Variants in SRGAP1 observed in about 807,000 individuals in gnomAD.
SRGAP1 encodes the protein SLIT-ROBO Rho GTPase activating protein 1, also known as SLIT-ROBO Rho GTPase-activating protein 1.
A neutral mutation model predicts 121.9 loss-of-function variants in SRGAP1; 43 were observed. The ratio of observed to expected loss-of-function variants is 0.35; its 90% CI spans 0.28 to 0.46. SRGAP1 has a LOEUF of 0.46. Ranked by LOEUF, SRGAP1 falls within the 20% of genes least tolerant of loss-of-function variation. The pLI is 1.00. For missense variants in SRGAP1, 1,102 were observed against 1,350.9 expected (o/e 0.82, Z 2.89); for synonymous variants, 447 against 485.4 (o/e 0.92, Z 1.04).
At chr12:63,981,691 G>A (rs1001387843) in intron 1 of SRGAP1, among the ~76,000 whole-genome samples, 6 of 152,130 alleles carry the variant, frequency 3.9e-5, no homozygotes, top group African/African-American at 7.2e-5. Context: ...TTCAGCACAC[G>A]TCTGTGAAGT....
Position 64,151,643 on chromosome 12 carries a change from C to T in SRGAP1, c.*8971C>T, listed in dbSNP as rs2037120937. 1 of 152,158 alleles carries T rather than the reference C, an allele frequency of 6.6e-6. No individual in the cohort carries two copies. The highest frequency in any genetic ancestry group is 1.5e-5 in the Non-Finnish European group (1 of 68,022). The allele number at this position is 152,158 out of a possible 1,614,324, so 9.4% of individuals were successfully genotyped here. A position where few individuals can be genotyped will look rare whatever the true frequency, so the allele number is the denominator to read the frequency against. ...TGCATAACAGTACACGAGTATAAAA[C>T]ATGGTCATGTTTCTTTACCAGTGTA... On this transcript the variant is annotated 3_prime_UTR_variant, in exon 22 of 22. Transcript: ENST00000355086.
At chr12:64,001,488 C>A (rs933224240) in intron 3 of SRGAP1, among the ~76,000 whole-genome samples, 6 of 152,152 alleles carry the variant, frequency 3.9e-5, no homozygotes, top group Admixed American at 6.5e-5. Flanking sequence ...AAAGTGCTTC[C>A]AGATTGTGGC....
chr12:63,947,921 T>C (rs1261581122), intron 1 of SRGAP1, among the ~76,000 whole-genome samples: 1 of 152,108 alleles, frequency 6.6e-6, no homozygotes, highest in Admixed American at 6.6e-5. Context: ...AGCTATAGGT[T>C]TTTCATACAT....
intron 8 of SRGAP1, among the ~76,000 whole-genome samples, chr12:64,066,496 C>T (rs1168262107): frequency 6.6e-6 from 1 of 152,128 alleles, no homozygotes; most frequent in Non-Finnish European, 1.5e-5. Context: ...AAAAAAATAA[C>T]TTACAGTGAT....
chr12:64,122,092 A>G (rs1236674361), intron 18 of SRGAP1, among the ~76,000 whole-genome samples: 1 of 152,214 alleles, frequency 6.6e-6, no homozygotes, highest in Non-Finnish European at 1.5e-5. Flanking sequence ...GCAAGGTTCC[A>G]AAGAGAAAGT....
intron 1 of SRGAP1, among the ~76,000 whole-genome samples, chr12:63,949,467 A>AC (rs1244413163): frequency 6.7e-6 from 1 of 148,864 alleles, no homozygotes; most frequent in African/African-American, 2.5e-5. Flanking sequence ...TCGCTCTGTC[A>AC]CCCAGGCTAG....
At position 64,150,942 on chromosome 12, in the gene SRGAP1, A is replaced by T. The variant is rs1049404408; in HGVS notation, c.*8270A>T. The T allele has an allele frequency of 1.5e-5, 2 of 137,662 alleles. No homozygotes were observed. The highest frequency in any genetic ancestry group is 6.0e-5 in the African/African-American group (2 of 33,304). 8.5% of individuals were successfully genotyped at this position (137,662 alleles called of 1,614,324 possible). On this transcript the variant is annotated 3_prime_UTR_variant, in exon 22 of 22. Coordinates refer to ENST00000355086, the MANE Select transcript of SRGAP1 (RefSeq NM_020762.4). ...AGAGTGAGAAGCTATCTCAAAAAAA[A>T]AAAAAAAAAAAAAAAAAACATGGTC...
intron 4 of SRGAP1, among the ~76,000 whole-genome samples, chr12:64,033,043 A>G (rs780598687): frequency 6.6e-6 from 1 of 152,164 alleles, no homozygotes; most frequent in Admixed American, 6.5e-5. Flanking sequence ...GCCGCTCTGT[A>G]TGATAACTCC....
chr12:64,027,329 G>T (rs555183487), intron 4 of SRGAP1, among the ~76,000 whole-genome samples: 1 of 152,126 alleles, frequency 6.6e-6, no homozygotes, highest in Admixed American at 6.5e-5. Context: ...TATAGTGTGG[G>T]TACATAACAC....
intron 4 of SRGAP1, among the ~76,000 whole-genome samples, chr12:64,017,636 C>T (rs554207286): frequency 6.8e-6 from 1 of 147,330 alleles, no homozygotes; most frequent in Non-Finnish European, 1.5e-5. Context: ...GCCTGGGCAA[C>T]AGAGTGAGAC....
At chr12:63,919,592 C>T (rs909049288) in intron 1 of SRGAP1, among the ~76,000 whole-genome samples, 2 of 146,586 alleles carry the variant, frequency 1.4e-5, no homozygotes, top group African/African-American at 4.9e-5. Flanking sequence ...TGACTTACCA[C>T]CTAATCTACA....
Position 64,148,191 on chromosome 12 carries a change from C to G in SRGAP1, c.*5519C>G, listed in dbSNP as rs1702621591. 6.6e-6 allele frequency: 1 copy of G among 152,052 alleles called. No homozygotes were observed. Among genetic ancestry groups the G allele is most frequent in the African/African-American group, 2.4e-5 (1 of 41,332 alleles). 9.4% of individuals were successfully genotyped at this position (152,052 alleles called of 1,614,324 possible). ...AAGACTCTAGTTAACCACGGCAAGC[C>G]CATCTTTGGTTTCATTTGAATAAAT... On this transcript the variant is annotated 3_prime_UTR_variant, in exon 22 of 22. Coordinates refer to ENST00000355086, the MANE Select transcript of SRGAP1 (RefSeq NM_020762.4).
intron 1 of SRGAP1, among the ~76,000 whole-genome samples, chr12:63,916,637 G>A (rs2030791281): frequency 8.9e-6 from 1 of 112,076 alleles, no homozygotes; most frequent in African/African-American, 2.7e-5. Flanking sequence ...AGCATAGAGG[G>A]GCTGGAGGGA....
At chr12:63,900,211 T>TTCTTTTTTC (rs1361690971) in intron 1 of SRGAP1, among the ~76,000 whole-genome samples, 3 of 128,044 alleles carry the variant, frequency 2.3e-5, no homozygotes, top group Non-Finnish European at 3.4e-5. Context: ...TTTCTTTTTT[T>TTCTTTTTTC]TTTTTTTTTT....
rs1349048067 is a variant in SRGAP1, at chr12:64,149,683, GT to G, written c.*7012del. On this transcript the variant is annotated 3_prime_UTR_variant, in exon 22 of 22. Transcript: ENST00000355086. ...AGAATCTTAGAAAGGCAGAGCAAGG[GT>G]GTTTGCTGGCTTCTGCCTTGAGTAG... 1 of 152,162 alleles carries G rather than the reference GT, an allele frequency of 6.6e-6. No individual in the cohort carries two copies. The highest frequency in any genetic ancestry group is 2.4e-5 in the African/African-American group (1 of 41,428). The allele number at this position is 152,162 out of a possible 1,614,324, so 9.4% of individuals were successfully genotyped here. A position where few individuals can be genotyped will look rare whatever the true frequency, so the allele number is the denominator to read the frequency against.
intron 2 of SRGAP1, among the ~76,000 whole-genome samples, chr12:63,985,527 C>G (rs189423993): frequency 6.6e-6 from 1 of 152,184 alleles, no homozygotes; most frequent in African/African-American, 2.4e-5. Flanking sequence ...TCTGTAAATA[C>G]AGCAGGCCAG....
intron 1 of SRGAP1, among the ~76,000 whole-genome samples, chr12:63,850,166 C>T (rs1056460170): frequency 8.5e-5 from 13 of 152,096 alleles, no homozygotes; most frequent in African/African-American, 1.7e-4. Flanking sequence ...AAGCTGATTG[C>T]GCTACTGCAA....
At chr12:63,956,376 A>G (rs1318869187) in intron 1 of SRGAP1, among the ~76,000 whole-genome samples, 1 of 152,204 alleles carries the variant, frequency 6.6e-6, no homozygotes, top group Admixed American at 6.5e-5. Flanking sequence ...AAGTGTCATT[A>G]AAAATTTGAT....
At chr12:63,927,345 G>GTCCCTGGCTGGCCCAT (rs2031297915) in intron 1 of SRGAP1, among the ~76,000 whole-genome samples, 2 of 152,188 alleles carry the variant, frequency 1.3e-5, no homozygotes, top group Non-Finnish European at 2.9e-5. Flanking sequence ...GGCTGGCCCA[G>GTCCCTGGCTGGCCCAT]TCCCTAGCTG....
Sources: gnomAD v4.1 joint callset for allele counts (sites outside exome capture counted in the v4.1 genomes callset) on GRCh38, gnomAD v4.1.1 for gene constraint, MANE v1.5 for transcripts, NCBI Gene and HGNC (gene_info 2026-07-23, HGNC 2026-07-21) for gene names.